ABCA1: variants seen among roughly 807,000 people sequenced by gnomAD.
ABCA1 encodes phospholipid-transporting ATPase ABCA1.
A neutral mutation model predicts 262.5 loss-of-function variants in ABCA1; 133 were observed. The ratio of observed to expected loss-of-function variants is 0.51; its 90% CI spans 0.44 to 0.59. The LOEUF (loss-of-function observed/expected upper bound fraction) is 0.59, where lower values mean the gene tolerates loss of function less well. Among genes scored for constraint, ABCA1 ranks in the 20% least tolerant of loss-of-function variants. ABCA1 has a pLI of 0.00. For missense variants in ABCA1, 2,452 were observed against 2,777.5 expected, an observed-to-expected ratio of 0.88 and a Z score of 2.63; for synonymous variants, 1,022 against 1,043.5, an observed-to-expected ratio of 0.98 and a Z score of 0.40.
In ABCA1 at chr9:104,845,541, GGGAA is replaced by G; in HGVS notation, c.745_748del (p.Phe249ArgfsTer26). 6.2e-7 allele frequency: 1 copy of G among 1,613,812 alleles called. No homozygotes were observed. The highest frequency in any genetic ancestry group is 8.5e-7 in the Non-Finnish European group (1 of 1,179,760). On this transcript the variant is annotated frameshift_variant, in exon 8 of 50. Coordinates refer to ENST00000374736, the MANE Select transcript of ABCA1 (RefSeq NM_005502.4). LOFTEE classifies it high-confidence loss of function. ...TGTGGCTTCAGCCAGCTCCTTGCTC[GGGAA>G]GGGAGATGTAGAGTTTAGTGTTCTC...
chr9:104,784,114 A>G lies in ABCA1; in HGVS notation c.*201T>C. Reference sequence around the variant, plus strand: ...CTTTCACTTGAGAGCCATACAAGACATAGGCTACAAAGGCACTGCCCCTGT... The same window carrying G: ...CTTTCACTTGAGAGCCATACAAGACGTAGGCTACAAAGGCACTGCCCCTGT... On this transcript the variant is annotated 3_prime_UTR_variant, in exon 50 of 50. Transcript: ENST00000374736. The G allele has an allele frequency of 3.2e-6, 2 of 628,796 alleles. 1 individual carries two copies. 39.0% of individuals were successfully genotyped at this position (628,796 alleles called of 1,614,324 possible).
At chr9:104,795,814 A>G (rs1487414396) in intron 39 of ABCA1, among the ~76,000 whole-genome samples, 1 of 152,212 alleles carries the variant, frequency 6.6e-6, no homozygotes, top group Non-Finnish European at 1.5e-5. Context: ...GCAACATTGA[A>G]AAAAGAAAGA....
At chr9:104,798,679 C>A (rs1830094325) in intron 36 of ABCA1, 81 bp from the exon 37 acceptor site, 2 of 1,207,710 alleles carry the variant, frequency 1.7e-6, no homozygotes, top group South Asian at 1.3e-5. Context: ...GACACACAGA[C>A]AAACACACAC....
At chr9:104,851,211 C>A (rs1288858861) in intron 7 of ABCA1, among the ~76,000 whole-genome samples, 1 of 152,178 alleles carries the variant, frequency 6.6e-6, no homozygotes, top group Non-Finnish European at 1.5e-5. Flanking sequence ...CTTAGTTCTG[C>A]TCCAAAGGCC....
chr9:104,904,897 G>C (rs1840986898), intron 1 of ABCA1, among the ~76,000 whole-genome samples: 2 of 152,180 alleles, frequency 1.3e-5, no homozygotes, highest in Admixed American at 6.5e-5. Flanking sequence ...TTGGAGGACT[G>C]TTTGCCATGC....
chr9:104,832,754 C>T lies in ABCA1; in HGVS notation c.1329G>A (p.Arg443=). 1 of 1,614,178 alleles carries T rather than the reference C, an allele frequency of 6.2e-7. No individual in the cohort carries two copies. Among genetic ancestry groups the T allele is most frequent in the Non-Finnish European group, 8.5e-7 (1 of 1,180,038 alleles). ...GCTGTTCCCAAAAGTGGTCATTGTC[C>T]CTGCTGTCCAACAGCATCTGCCATT... ...MDLVRMLLDS[R]DNDHFWEQQL... The change falls in exon 12 of 50, where the codon AGG becomes AGA. Residue 443 remains arginine, a synonymous_variant. Coordinates refer to ENST00000374736, the MANE Select transcript of ABCA1 (RefSeq NM_005502.4).
intron 18 of ABCA1, among the ~76,000 whole-genome samples, chr9:104,823,895 A>T (rs1832593105): frequency 6.6e-6 from 1 of 152,200 alleles, no homozygotes; most frequent in Non-Finnish European, 1.5e-5. Flanking sequence ...AGACTGGCAG[A>T]AAAGGGACCT....
chr9:104,840,181 C>G, intron 9 of ABCA1, 98 bp downstream of exon 9: 1 of 1,600,020 alleles, frequency 6.2e-7, no homozygotes, highest in Non-Finnish European at 8.5e-7. Flanking sequence ...ATGTAGACAT[C>G]TAACGCTGCT....
chr9:104,919,427 T>C (rs780736100), intron 1 of ABCA1, among the ~76,000 whole-genome samples: 19 of 151,984 alleles, frequency 1.3e-4, no homozygotes, highest in Non-Finnish European at 2.6e-4. Context: ...CTAGCCACCA[T>C]AGTAAAACCC....
rs3824477 is a variant in ABCA1 at position 104,826,047 on chromosome 9, G to A, written c.2338-160C>T. Among the ~76,000 whole-genome samples, 8,844 of 152,264 alleles carry A rather than the reference G, an allele frequency of 0.058. 345 individuals are homozygous for A. The highest frequency in any genetic ancestry group is 0.11 in the Admixed American group (1,672 of 15,286). On this transcript the variant is annotated intron_variant, in intron 16 of 49. Transcript: ENST00000374736. ...CCTATAGAGTCCCTTTAGGGGAGTG[G>A]TGGGCTACCAAGTAACATATAAAAT...
Position 104,865,779 on chromosome 9 carries a change from A to C in ABCA1, c.422-3979T>G, listed in dbSNP as rs376838462. On this transcript the variant is annotated intron_variant, in intron 5 of 49. Transcript: ENST00000374736. ...AGATACTCATCATGGTAGGTGCTCA[A>C]TATATGGTAATAATTTGTGATTATC... Among the ~76,000 whole-genome samples the C allele has an allele frequency of 7.9e-5, 12 of 152,224 alleles. No homozygotes were observed. In the East Asian group the frequency reaches 1.2e-3, roughly 15 times the overall value.
intron 42 of ABCA1, among the ~76,000 whole-genome samples, chr9:104,792,239 G>A (rs552267408): frequency 3.3e-5 from 5 of 152,250 alleles, no homozygotes; most frequent in African/African-American, 9.6e-5. Flanking sequence ...TTTTAGAACC[G>A]TATCATTCAT....
At position 104,845,478 on chromosome 9, in the gene ABCA1, T is replaced by C. The variant is rs1270515768; in HGVS notation, c.812A>G (p.Glu271Gly). ...TGGTACTGGAAAGACACAACTTACC[T>C]CCTGGGCCAGAGTCCCAAGACTATG... ...LLHSLGTLAQ[E>G]LFSMRSWSDM... The change falls in exon 8 of 50, where the codon GAG becomes GGG. Residue 271 changes from glutamate (E) to glycine (G), a missense_variant and splice_region_variant. Physicochemically the swap from Glu to Gly is moderately conservative, Grantham distance 98. Transcript: ENST00000374736. 1 of 1,612,312 alleles carries C rather than the reference T, an allele frequency of 6.2e-7. No homozygotes were observed. Among genetic ancestry groups the C allele is most frequent in the Non-Finnish European group, 8.5e-7 (1 of 1,178,480 alleles).
intron 18 of ABCA1, among the ~76,000 whole-genome samples, chr9:104,823,166 G>A (rs1832521156): frequency 6.6e-6 from 1 of 152,190 alleles, no homozygotes; most frequent in Non-Finnish European, 1.5e-5. Context: ...ACGCATTAGT[G>A]GTTGACAGGT....
chr9:104,839,089 T>C (rs542766108), intron 9 of ABCA1, among the ~76,000 whole-genome samples: 1 of 152,336 alleles, frequency 6.6e-6, no homozygotes, highest in Non-Finnish European at 1.5e-5. Flanking sequence ...AAGGTTCCCC[T>C]GCATCAAGTT....
chr9:104,804,355 T>C (rs1048819603), intron 32 of ABCA1, among the ~76,000 whole-genome samples: 2 of 152,258 alleles, frequency 1.3e-5, no homozygotes, highest in African/African-American at 4.8e-5. Context: ...ACCAGTTACC[T>C]GGTCAAGTTG....
At chr9:104,856,819 C>A (rs1186496549) in intron 7 of ABCA1, among the ~76,000 whole-genome samples, 1 of 152,110 alleles carries the variant, frequency 6.6e-6, no homozygotes, top group Non-Finnish European at 1.5e-5. Flanking sequence ...GTGAAGCAGC[C>A]CAAAACAGTC....
chr9:104,828,787 T>C (rs1833008388), intron 15 of ABCA1, 129 bp downstream of exon 15: 2 of 1,021,580 alleles, frequency 2.0e-6, no homozygotes, highest in South Asian at 1.4e-5. Context: ...TGGATGAAAT[T>C]GCAGGAAATG....
At chr9:104,902,901 G>A (rs1408596233) in intron 2 of ABCA1, among the ~76,000 whole-genome samples, 1 of 152,116 alleles carries the variant, frequency 6.6e-6, no homozygotes, top group Admixed American at 6.5e-5. Flanking sequence ...AAGAGACTTA[G>A]AAACTAACTA....
Sources: allele counts gnomAD v4.1 joint callset (sites outside exome capture counted in the v4.1 genomes callset), GRCh38; gene constraint gnomAD v4.1.1; transcripts MANE v1.5; gene names NCBI Gene and HGNC (gene_info 2026-07-23, HGNC 2026-07-21).